EML4: variants seen among roughly 807,000 people sequenced by gnomAD.
EML4 encodes EMAP like 4, also known as echinoderm microtubule-associated protein-like 4.
EML4 carries 72 observed loss-of-function variants against 129.0 expected under a neutral mutation model. That is an observed-to-expected ratio of 0.56 (90% CI 0.46 to 0.68). The LOEUF (loss-of-function observed/expected upper bound fraction) is 0.68, where lower values mean the gene tolerates loss of function less well. EML4 is among the 30% of genes least tolerant of loss of function. The pLI, the probability that EML4 is intolerant of heterozygous loss-of-function variation, is 0.00. For synonymous variants in EML4, 532 were observed against 405.0 expected (o/e 1.31, Z -3.77); for missense variants, 1,363 against 1,190.6 (o/e 1.14, Z -2.13).
At chr2:42,191,755 T>C (rs556954163) in intron 1 of EML4, among the ~76,000 whole-genome samples, 5 of 152,360 alleles carry the variant, frequency 3.3e-5, no homozygotes, top group Non-Finnish European at 4.4e-5. Context: ...CACCTCAAAC[T>C]GAATTTTAAA....
In EML4 at chr2:42,263,267, C is replaced by CA; in HGVS notation, c.603dup (p.Pro202ThrfsTer15). On this transcript the variant is annotated frameshift_variant, in exon 5 of 23. Coordinates refer to ENST00000318522, the MANE Select transcript of EML4 (RefSeq NM_019063.5). LOFTEE classifies it high-confidence loss of function. Reference sequence around the variant, plus strand: ...AATAAATTGTCGAAAATACCTTCAACACCCAAATTAATACCAAAAGTTACC... The same window carrying CA: ...AATAAATTGTCGAAAATACCTTCAACAACCCAAATTAATACCAAAAGTTACC... 1 of 1,613,114 alleles carries CA rather than the reference C, an allele frequency of 6.2e-7. No individual in the cohort carries two copies. Among genetic ancestry groups the CA allele is most frequent in the Non-Finnish European group, 8.5e-7 (1 of 1,179,674 alleles).
chr2:42,209,684 C>T (rs972255341), intron 1 of EML4, among the ~76,000 whole-genome samples: 3 of 152,210 alleles, frequency 2.0e-5, no homozygotes, highest in African/African-American at 7.2e-5. Flanking sequence ...AATCCCAGCA[C>T]TTTGGGAGGC....
At chr2:42,319,169 T>C (rs184084866) in intron 19 of EML4, among the ~76,000 whole-genome samples, 52 of 152,354 alleles carry the variant, frequency 3.4e-4, no homozygotes, top group Non-Finnish European at 5.6e-4. Context: ...TCTTGTGACG[T>C]AATGGCAGAT....
chr2:42,301,367 A>G lies in EML4; in HGVS notation c.1616A>G (p.Asp539Gly). 1 of 1,612,538 alleles carries G rather than the reference A, an allele frequency of 6.2e-7. No individual in the cohort carries two copies. Among genetic ancestry groups the G allele is most frequent in the Non-Finnish European group, 8.5e-7 (1 of 1,179,352 alleles). ...AGAAAAATAATTCTGTGGGATCATG[A>G]TCTGAATCCTGAAAGAGAAATAGAG... ...KDRKIILWDH[D>G]LNPEREIEVP... is the part of the protein sequence containing the mutation. The change falls in exon 14 of 23, where the codon GAT (aspartate) becomes GGT (glycine). Residue 539 changes from aspartate to glycine, a missense_variant. Physicochemically the swap from Asp to Gly is moderately conservative, Grantham distance 94. Transcript: ENST00000318522.
rs542019313 is a variant in EML4, at chr2:42,275,410, C to G, written c.668-5440C>G. On this transcript the variant is annotated intron_variant, in intron 6 of 22. Transcript: ENST00000318522. ...TTAGAGTGGAAATGTTTCCCGAGTT[C>G]TAAGTAATAGAATTTTGGAACAAAG... is the stretch of plus-strand genomic sequence containing the variant. Among the ~76,000 whole-genome samples the G allele has an allele frequency of 3.3e-5, 5 of 152,236 alleles. No homozygotes were observed. The East Asian group carries it at 9.7e-4, about 29-fold the overall frequency.
At chr2:42,286,013 AAATG>A (rs750485033) in intron 9 of EML4, 74 of 518,164 alleles carry the variant, frequency 1.4e-4, no homozygotes, top group African/African-American at 1.9e-5. Context: ...GCATAGGATT[AAATG>A]AATTAATATG....
chr2:42,245,433 G>T, intron 1 of EML4, 72 bp from the exon 2 acceptor site: 1 of 1,382,578 alleles, frequency 7.2e-7, no homozygotes, highest in Non-Finnish European at 9.9e-7. Flanking sequence ...TATGTGGGAT[G>T]GTTTTTCTAA....
chr2:42,253,422 G>C (rs1675906163), intron 2 of EML4, among the ~76,000 whole-genome samples: 1 of 152,090 alleles, frequency 6.6e-6, no homozygotes, highest in African/African-American at 2.4e-5. Context: ...AGTTCTAATA[G>C]GAAATACTTC....
Position 42,331,894 on chromosome 2 carries a change from T to C in EML4, c.*1687T>C, listed in dbSNP as rs1157003101. On this transcript the variant is annotated 3_prime_UTR_variant, in exon 23 of 23. Transcript: ENST00000318522. Reference sequence around the variant, plus strand: ...AAAATACTCAGTGTAGATCTCTATGTGTATAGGTATCTGTATATCTTTCCT... The same window carrying C: ...AAAATACTCAGTGTAGATCTCTATGCGTATAGGTATCTGTATATCTTTCCT... 1 of 122,090 alleles carries C rather than the reference T, an allele frequency of 8.2e-6. No individual in the cohort carries two copies. The highest frequency in any genetic ancestry group is 3.4e-4 in the South Asian group (1 of 2,918). The allele number at this position is 122,090 out of a possible 1,614,324, so 7.6% of individuals were successfully genotyped here.
chr2:42,179,427 T>G (rs1670802643), intron 1 of EML4, among the ~76,000 whole-genome samples: 1 of 152,128 alleles, frequency 6.6e-6, no homozygotes, highest in African/African-American at 2.4e-5. Flanking sequence ...CTTGGCAAAA[T>G]TGGCATGTGG....
chr2:42,235,291 A>G (rs1190467832), intron 1 of EML4, among the ~76,000 whole-genome samples: 12 of 150,414 alleles, frequency 8.0e-5, no homozygotes, highest in Non-Finnish European at 1.3e-4. Context: ...GCGAAACTCC[A>G]TCTCAAAAAA....
intron 21 of EML4, 57 bp downstream of exon 21, chr2:42,326,309 T>C: frequency 8.7e-7 from 1 of 1,147,370 alleles, no homozygotes; most frequent in Non-Finnish European, 1.3e-6. Context: ...ATATATAATA[T>C]TTACTTGCTT....
rs1156500642 is a variant in EML4 at position 42,169,373 on chromosome 2, C to A, written c.-239C>A. Reference sequence around the variant, plus strand: ...GCGGCGCGGCGCTCGCGGCTGCTGCCTGGGAGGGAGGCCGGGCAGGCGGCT... The same window carrying A: ...GCGGCGCGGCGCTCGCGGCTGCTGCATGGGAGGGAGGCCGGGCAGGCGGCT... On this transcript the variant is annotated 5_prime_UTR_variant, in exon 1 of 23. It adds an upstream start codon to the 5' untranslated region. Transcript: ENST00000318522. The A allele has an allele frequency of 3.9e-6, 1 of 259,530 alleles. No individual in the cohort carries two copies. 16.1% of individuals were successfully genotyped at this position (259,530 alleles called of 1,614,324 possible).
intron 17 of EML4, among the ~76,000 whole-genome samples, chr2:42,307,992 G>A (rs983360545): frequency 6.6e-6 from 1 of 152,174 alleles, no homozygotes; most frequent in East Asian, 1.9e-4. Flanking sequence ...ACATGTCCAA[G>A]TTGTGCATGA....
intron 3 of EML4, among the ~76,000 whole-genome samples, chr2:42,258,851 T>C (rs1342538117): frequency 6.6e-6 from 1 of 152,248 alleles, no homozygotes; most frequent in African/African-American, 2.4e-5. Context: ...ACTATTATAA[T>C]GTGATAAATT....
intron 4 of EML4, among the ~76,000 whole-genome samples, chr2:42,262,758 A>G (rs1665811246): frequency 6.6e-6 from 1 of 152,188 alleles, no homozygotes; most frequent in Non-Finnish European, 1.5e-5. Context: ...AGAAATTGTC[A>G]TTTGTACCAT....
At chr2:42,258,789 T>A (rs1454127921) in intron 3 of EML4, among the ~76,000 whole-genome samples, 1 of 152,208 alleles carries the variant, frequency 6.6e-6, no homozygotes, top group African/African-American at 2.4e-5. Context: ...TTATCAGAAG[T>A]GCATCAGGTT....
intron 1 of EML4, among the ~76,000 whole-genome samples, chr2:42,176,360 G>T (rs190348854): frequency 1.7e-4 from 26 of 152,176 alleles, no homozygotes; most frequent in African/African-American, 6.3e-4. Flanking sequence ...TTTGTACAGG[G>T]CCCTCAGATT....
At chr2:42,230,362 T>C (rs1558522109) in intron 1 of EML4, among the ~76,000 whole-genome samples, 2 of 149,982 alleles carry the variant, frequency 1.3e-5, no homozygotes, top group East Asian at 4.0e-4. Flanking sequence ...GTGTGGTATA[T>C]ACAATTCCAC....
Sources: allele counts gnomAD v4.1 joint callset (sites outside exome capture counted in the v4.1 genomes callset), GRCh38; gene constraint gnomAD v4.1.1; transcripts MANE v1.5; gene names NCBI Gene and HGNC (gene_info 2026-07-23, HGNC 2026-07-21).